DLGAP1: variants seen among roughly 807,000 people sequenced by gnomAD.
DLGAP1 encodes the protein disks large-associated protein 1.
In DLGAP1, 11 loss-of-function variants were observed where a neutral mutation model predicts 90.8. The observed-to-expected ratio is 0.12, with a 90% CI of 0.08 to 0.20. The LOEUF (loss-of-function observed/expected upper bound fraction) is 0.20, where lower values mean the gene tolerates loss of function less well. Among genes scored for constraint, DLGAP1 ranks in the 10% least tolerant of loss-of-function variants. The probability of loss-of-function intolerance (pLI) is 1.00; values close to 1 mark genes in which losing one functional copy is unlikely to be tolerated. For missense variants in DLGAP1, 1,050 were observed against 1,333.8 expected, an observed-to-expected ratio of 0.79 and a Z score of 3.31; for synonymous variants, 558 against 540.7, an observed-to-expected ratio of 1.03 and a Z score of -0.44.
At chr18:3,639,281 T>G (rs2058835455) in intron 7 of DLGAP1, among the ~76,000 whole-genome samples, 1 of 151,496 alleles carries the variant, frequency 6.6e-6, no homozygotes, top group Non-Finnish European at 1.5e-5. Context: ...GCTTGAACCC[T>G]GGAGATGGAG....
chr18:3,886,521 A>T lies in DLGAP1; in HGVS notation c.-72-6381T>A, dbSNP rs563820858. ...TATCAAATACTAGATCTTATCATTCATTCGGACTTGCATCTATTTTTTTTG... is the reference window on the plus strand; with the variant it reads ...TATCAAATACTAGATCTTATCATTCTTTCGGACTTGCATCTATTTTTTTTG... On this transcript the variant is annotated intron_variant, in intron 3 of 12. Transcript: ENST00000315677. 4.0e-4 allele frequency among the ~76,000 whole-genome samples: 56 copies of T among 140,504 alleles called. No homozygotes were observed. The South Asian group carries it at 0.014, about 35-fold the overall frequency. The allele number at this position is 140,504 out of a possible 152,430, so 92.2% of individuals were successfully genotyped here. A position where few individuals can be genotyped will look rare whatever the true frequency, so the allele number is the denominator to read the frequency against.
intron 6 of DLGAP1, among the ~76,000 whole-genome samples, chr18:3,733,112 C>A (rs954206026): frequency 6.6e-6 from 1 of 152,202 alleles, no homozygotes; most frequent in East Asian, 1.9e-4. Flanking sequence ...AGTACTACCC[C>A]TGCCCACATA....
intron 7 of DLGAP1, among the ~76,000 whole-genome samples, chr18:3,596,019 G>T (rs1479684641): frequency 6.6e-6 from 1 of 152,152 alleles, no homozygotes; most frequent in Non-Finnish European, 1.5e-5. Context: ...CCAAGGTCAG[G>T]GTTACAGAAT....
At chr18:3,532,857 T>C (rs543652376) in intron 10 of DLGAP1, among the ~76,000 whole-genome samples, 1 of 152,380 alleles carries the variant, frequency 6.6e-6, no homozygotes, top group Non-Finnish European at 1.5e-5. Context: ...AATTTCAGAA[T>C]TGTTGAAAAC....
At chr18:4,040,054 T>C (rs2074952333) in intron 2 of DLGAP1, among the ~76,000 whole-genome samples, 1 of 152,224 alleles carries the variant, frequency 6.6e-6, no homozygotes, top group African/African-American at 2.4e-5. Context: ...GGCAAAACAG[T>C]ACCTATTCTT....
chr18:3,823,624 T>A (rs1007200885), intron 4 of DLGAP1, among the ~76,000 whole-genome samples: 3 of 152,058 alleles, frequency 2.0e-5, no homozygotes, highest in African/African-American at 7.2e-5. Context: ...AAAATTCAAG[T>A]GTTAAGTTGC....
chr18:4,317,409 T>C (rs2080560134), intron 1 of DLGAP1, among the ~76,000 whole-genome samples: 1 of 152,220 alleles, frequency 6.6e-6, no homozygotes, highest in South Asian at 2.1e-4. Context: ...ATCAGATCCA[T>C]GATAATTTTA....
chr18:3,789,653 T>C (rs1385631893), intron 5 of DLGAP1, among the ~76,000 whole-genome samples: 1 of 152,184 alleles, frequency 6.6e-6, no homozygotes, highest in Non-Finnish European at 1.5e-5. Flanking sequence ...GGGCATCACT[T>C]AAGTCAACAG....
intron 2 of DLGAP1, among the ~76,000 whole-genome samples, chr18:4,111,244 T>A (rs2075967438): frequency 1.3e-5 from 2 of 152,158 alleles, no homozygotes; most frequent in Non-Finnish European, 2.9e-5. Flanking sequence ...CAACCTCACA[T>A]TTCTGAAATA....
chr18:3,562,472 G>A (rs73379282), intron 9 of DLGAP1, among the ~76,000 whole-genome samples: 4,932 of 151,604 alleles, frequency 0.033, 300 homozygotes, highest in East Asian at 0.28. Flanking sequence ...TCATGATAAC[G>A]AGTGGGTCTC....
chr18:3,737,878 T>C (rs1313018931), intron 6 of DLGAP1, among the ~76,000 whole-genome samples: 8 of 150,434 alleles, frequency 5.3e-5, no homozygotes, highest in Admixed American at 2.0e-4. Flanking sequence ...GAAAACCCCA[T>C]TGTCTCAGCC....
chr18:4,057,282 T>C (rs1181396779), intron 2 of DLGAP1, among the ~76,000 whole-genome samples: 1 of 151,892 alleles, frequency 6.6e-6, no homozygotes, highest in Non-Finnish European at 1.5e-5. Flanking sequence ...ATCTCAGGAG[T>C]TGAAGTACAC....
chr18:3,840,975 A>T (rs1407090488), intron 4 of DLGAP1, among the ~76,000 whole-genome samples: 2 of 152,230 alleles, frequency 1.3e-5, no homozygotes, highest in African/African-American at 4.8e-5. Flanking sequence ...CATGGTCAAC[A>T]CAAAATGGAA....
chr18:3,552,758 C>G (rs897254957), intron 9 of DLGAP1, among the ~76,000 whole-genome samples: 6 of 152,216 alleles, frequency 3.9e-5, no homozygotes, highest in Admixed American at 2.6e-4. Context: ...TCACTTGGCT[C>G]CGCAGATTCA....
At chr18:3,515,393 C>T (rs1322473719) in intron 10 of DLGAP1, among the ~76,000 whole-genome samples, 1 of 81,502 alleles carries the variant, frequency 1.2e-5, no homozygotes, top group South Asian at 5.2e-4. Context: ...TGGCTTGAAC[C>T]CAGGAGGCGG....
At chr18:4,031,359 T>G (rs2074793268) in intron 2 of DLGAP1, among the ~76,000 whole-genome samples, 1 of 152,140 alleles carries the variant, frequency 6.6e-6, no homozygotes, top group Non-Finnish European at 1.5e-5. Context: ...TACAAACATA[T>G]TTCTACCAAA....
chr18:4,300,962 T>G (rs1046369093), intron 1 of DLGAP1, among the ~76,000 whole-genome samples: 1 of 152,186 alleles, frequency 6.6e-6, no homozygotes, highest in African/African-American at 2.4e-5. Context: ...CTGATCATTT[T>G]ATCCTCTTTA....
chr18:3,628,699 T>C (rs1178608925), intron 7 of DLGAP1, among the ~76,000 whole-genome samples: 1 of 152,218 alleles, frequency 6.6e-6, no homozygotes, highest in Non-Finnish European at 1.5e-5. Context: ...ATAGCTTGAT[T>C]ATGCCTGGTT....
chr18:3,886,133 C>A (rs1318896545), intron 3 of DLGAP1, among the ~76,000 whole-genome samples: 1 of 152,144 alleles, frequency 6.6e-6, no homozygotes, highest in Non-Finnish European at 1.5e-5. Context: ...TGAGGATGGA[C>A]AGGCAGGCAA....
Sources: allele counts gnomAD v4.1 joint callset (sites outside exome capture counted in the v4.1 genomes callset), GRCh38; gene constraint gnomAD v4.1.1; transcripts MANE v1.5; gene names NCBI Gene and HGNC (gene_info 2026-07-23, HGNC 2026-07-21).